Variants in GTPBP2 observed in about 807,000 individuals in gnomAD.
GTPBP2 encodes the protein GTP binding protein 2, also known as GTP-binding protein 2.
A neutral mutation model predicts 63.0 loss-of-function variants in GTPBP2; 32 were observed. The observed-to-expected ratio is 0.51, with a 90% CI of 0.38 to 0.68. The LOEUF is 0.68. Among genes scored for constraint, GTPBP2 ranks in the 30% least tolerant of loss-of-function variants. GTPBP2 has a pLI of 0.00. For synonymous variants in GTPBP2, 310 were observed against 322.6 expected (o/e 0.96, Z 0.42); for missense variants, 492 against 796.9 (o/e 0.62, Z 4.61).
chr6:43,630,421 C>T (rs758620894), upstream of GTPBP2, among the ~76,000 whole-genome samples: 16 of 152,214 alleles, frequency 1.1e-4, no homozygotes, highest in Non-Finnish European at 2.2e-4. Flanking sequence ...TCTCGAACTG[C>T]GAGGTGCTCA....
rs1274502855 is a variant in GTPBP2 at position 43,626,589 on chromosome 6, T to C, written c.214-179A>G. Among the ~76,000 whole-genome samples, 1 of 152,186 alleles carries C rather than the reference T, an allele frequency of 6.6e-6. No individual in the cohort carries two copies. The highest frequency in any genetic ancestry group is 1.5e-5 in the Non-Finnish European group (1 of 68,036). On this transcript the variant is annotated intron_variant, in intron 2 of 11. Coordinates refer to ENST00000307126, the MANE Select transcript of GTPBP2 (RefSeq NM_019096.5). The surrounding 1 kb of genome is among the most constrained non-coding windows in gnomAD (Gnocchi z 4.0). The stretch of plus-strand genomic sequence containing the variant: ...AACCTGAACCATATCCTTAAACTGC[T>C]ATAATTATGAAGTTGGAAGGCTCTC...
In GTPBP2 at chr6:43,624,006, A is replaced by C. The variant is rs1481901219; in HGVS notation, c.1163T>G (p.Phe388Cys). 33 of 1,614,002 alleles carry C rather than the reference A, an allele frequency of 2.0e-5. No homozygotes were observed. The highest frequency in any genetic ancestry group is 2.7e-5 in the Non-Finnish European group (32 of 1,179,980). Residue 388 changes from phenylalanine (F) to cysteine (C), a missense_variant, in exon 8 of 12, where the codon TTT becomes TGT. By Grantham distance (205) the Phe-to-Cys change is radical (BLOSUM62 -2). Coordinates refer to ENST00000307126, the MANE Select transcript of GTPBP2 (RefSeq NM_019096.5). The surrounding 1 kb of genome is among the most constrained non-coding windows in gnomAD (Gnocchi z 5.1). ...GGTGAGTGGCGGCAGAATATTCAGA[A>C]AGACTTTGAGGAGGTCCAGACTCTC... ...SGESLDLLKV[F>C]LNILPPLTNS...
chr6:43,629,519 A>T (rs897640615), upstream of GTPBP2: 3 of 616,044 alleles, frequency 4.9e-6, no homozygotes, highest in Non-Finnish European at 8.6e-6. Flanking sequence ...TCCTCGCGCT[A>T]TGTTCTTTTT....
At position 43,625,985 on chromosome 6, in the gene GTPBP2, A is replaced by G; in HGVS notation, c.399-121T>C. ...CTCCCAATACCTTAGTGCACTTCCTACCACCCTCCAATCTATTCCTCATTC... is the reference window on the plus strand; with the variant it reads ...CTCCCAATACCTTAGTGCACTTCCTGCCACCCTCCAATCTATTCCTCATTC... On this transcript the variant is annotated intron_variant, in intron 3 of 11. Transcript: ENST00000307126. This position sits in a 1 kb window ranked among gnomAD's most constrained non-coding sequence, Gnocchi z 5.1. 1.3e-6 allele frequency: 1 copy of G among 776,282 alleles called. No homozygotes were observed. Among genetic ancestry groups the G allele is most frequent in the South Asian group, 1.5e-5 (1 of 68,250 alleles). The allele number at this position is 776,282 out of a possible 1,614,324, so 48.1% of individuals were successfully genotyped here. A position where few individuals can be genotyped will look rare whatever the true frequency, so the allele number is the denominator to read the frequency against.
Sources: gnomAD v4.1 joint callset for allele counts (sites outside exome capture counted in the v4.1 genomes callset) on GRCh38, gnomAD v4.1.1 for gene constraint, Gnocchi (gnomAD v3.1) non-coding constraint, MANE v1.5 for transcripts, NCBI Gene and HGNC (gene_info 2026-07-23, HGNC 2026-07-21) for gene names.